The following PBX1 variants were observed in gnomAD, a reference collection of about 807,000 sequenced individuals.
PBX1 encodes pre-B-cell leukemia transcription factor 1.
PBX1 carries 6 observed loss-of-function variants against 53.4 expected under a neutral mutation model. The observed-to-expected ratio is 0.11, with a 90% CI of 0.06 to 0.22. The LOEUF (loss-of-function observed/expected upper bound fraction) is 0.22. PBX1 is among the 10% of genes least tolerant of loss of function. The probability of loss-of-function intolerance (pLI) is 1.00; values close to 1 mark genes in which losing one functional copy is unlikely to be tolerated. For missense variants in PBX1, 251 were observed against 551.4 expected (o/e 0.46, Z 5.46); for synonymous variants, 204 against 212.3 (o/e 0.96, Z 0.34).
At chr1:164,606,315 C>T (rs879573188) in intron 2 of PBX1, among the ~76,000 whole-genome samples, 1 of 152,180 alleles carries the variant, frequency 6.6e-6, no homozygotes, top group Non-Finnish European at 1.5e-5. Context: ...CATGATGAAA[C>T]CCCATCTGTA....
At chr1:164,758,763 T>G (rs1666656959) in intron 2 of PBX1, among the ~76,000 whole-genome samples, 1 of 151,996 alleles carries the variant, frequency 6.6e-6, no homozygotes, top group Non-Finnish European at 1.5e-5. Context: ...GAAACTAAAA[T>G]CCCTTTTCTT....
Position 164,559,875 on chromosome 1 carries a change from G to A in PBX1, c.53G>A (p.Gly18Glu), listed in dbSNP as rs1379669919. ...TCCCATGCTGGGGTCGGGATGGCCG[G>A]ACACCCCGGCCTGTCCCAGCACTTG... is the stretch of plus-strand genomic sequence containing the variant. ...MHSHAGVGMA[G>E]HPGLSQHLQD... is the part of the protein sequence containing the mutation. The change falls in exon 1 of 9, where the codon GGA becomes GAA. Residue 18 changes from glycine to glutamate, a missense_variant. This residue lies in a region of PBX1 where 63 missense variants were observed against 78.7 expected (regional missense o/e 0.80). Coordinates refer to ENST00000420696, the MANE Select transcript of PBX1 (RefSeq NM_002585.4). 12 of 1,550,298 alleles carry A rather than the reference G, an allele frequency of 7.7e-6. No homozygotes were observed. Among genetic ancestry groups the A allele is most frequent in the Non-Finnish European group, 1.0e-5 (12 of 1,146,736 alleles).
At chr1:164,805,124 A>T (rs1319706783) in intron 4 of PBX1, among the ~76,000 whole-genome samples, 1 of 152,172 alleles carries the variant, frequency 6.6e-6, no homozygotes, top group Non-Finnish European at 1.5e-5. Flanking sequence ...TCTGTCCCTA[A>T]AACACCATAT....
At chr1:164,853,159 C>G (rs1292500984), downstream of PBX1, among the ~76,000 whole-genome samples, 1 of 152,220 alleles carries the variant, frequency 6.6e-6, no homozygotes, top group Non-Finnish European at 1.5e-5. Flanking sequence ...GAATCTGTAG[C>G]TTTTCACATC....
Position 164,766,652 on chromosome 1 carries a change from T to G in PBX1, c.266-25842T>G, listed in dbSNP as rs1667069051. ...AAAGGCTTTTTCTAGAGTTTTATAT[T>G]CCTTATCAATGGCTTCCAGTTTACA... On this transcript the variant is annotated intron_variant, in intron 2 of 8. Coordinates refer to ENST00000420696, the MANE Select transcript of PBX1 (RefSeq NM_002585.4). Among the ~76,000 whole-genome samples the G allele has an allele frequency of 2.6e-5, 4 of 152,058 alleles. No individual in the cohort carries two copies. The South Asian group carries it at 8.3e-4, about 32-fold the overall frequency.
intron 2 of PBX1, among the ~76,000 whole-genome samples, chr1:164,654,541 G>A (rs1660033702): frequency 1.3e-5 from 2 of 152,304 alleles, no homozygotes; most frequent in East Asian, 1.9e-4. Flanking sequence ...GACAAGTGAT[G>A]TGAGAAATAC....
chr1:164,863,359 G>A (rs144050236), intron 2 of PBX1, among the ~76,000 whole-genome samples: 5 of 152,316 alleles, frequency 3.3e-5, no homozygotes, highest in Admixed American at 6.5e-5. Flanking sequence ...GCTAGGGAAA[G>A]GTATTGTTCC....
At chr1:164,689,032 G>C (rs867813039) in intron 2 of PBX1, among the ~76,000 whole-genome samples, 1 of 152,246 alleles carries the variant, frequency 6.6e-6, no homozygotes, top group Non-Finnish European at 1.5e-5. Flanking sequence ...GAGAGGCAAC[G>C]ACCTTCCTCC....
intron 2 of PBX1, among the ~76,000 whole-genome samples, chr1:164,609,433 G>A (rs945744224): frequency 2.6e-5 from 4 of 152,084 alleles, no homozygotes; most frequent in African/African-American, 7.2e-5. Context: ...GGCAGGACAC[G>A]TATAACAGTC....
Position 164,792,749 on chromosome 1 carries a change from C to T in PBX1, c.510+11C>T. ...GAGAAATACGAGCAGGTAACCAGAACCACCTGGGGCTCGGCACCCAGGCCC... is the reference window on the plus strand; with the variant it reads ...GAGAAATACGAGCAGGTAACCAGAATCACCTGGGGCTCGGCACCCAGGCCC... On this transcript the variant is annotated intron_variant, in intron 3 of 8. Transcript: ENST00000420696. 1.3e-6 allele frequency: 2 copies of T among 1,583,842 alleles called. No individual in the cohort carries two copies. Among genetic ancestry groups the T allele is most frequent in the Non-Finnish European group, 1.7e-6 (2 of 1,159,802 alleles).
chr1:164,586,301 C>A (rs925713464), intron 2 of PBX1, among the ~76,000 whole-genome samples: 1 of 152,192 alleles, frequency 6.6e-6, no homozygotes, highest in Admixed American at 6.5e-5. Flanking sequence ...TCATGGTAAA[C>A]GTGCTGAAGT....
intron 3 of PBX1, among the ~76,000 whole-genome samples, chr1:164,796,470 C>T (rs1476215055): frequency 6.6e-6 from 1 of 152,116 alleles, no homozygotes; most frequent in East Asian, 1.9e-4. Context: ...AGGACTAAAT[C>T]TCTAATGTTG....
chr1:164,746,972 G>A (rs6681005), intron 2 of PBX1, among the ~76,000 whole-genome samples: 56,888 of 151,936 alleles, frequency 0.37, 11,420 homozygotes, highest in South Asian at 0.67. Flanking sequence ...CATGTTTCAG[G>A]AAATTCTTTT....
At chr1:164,759,379 G>T (rs773569204) in intron 2 of PBX1, among the ~76,000 whole-genome samples, 2 of 152,144 alleles carry the variant, frequency 1.3e-5, no homozygotes, top group Non-Finnish European at 2.9e-5. Context: ...TTCCCAGGGG[G>T]TGGGTCACCT....
intron 2 of PBX1, among the ~76,000 whole-genome samples, chr1:164,665,521 G>A (rs577289777): frequency 8.5e-5 from 13 of 152,092 alleles, no homozygotes; most frequent in Non-Finnish European, 1.3e-4. Context: ...TCCTGACCTC[G>A]AGTGATCCAC....
Position 164,848,042 on chromosome 1 carries a change from A to C in PBX1, c.*1366A>C, listed in dbSNP as rs1170582364. On this transcript the variant is annotated 3_prime_UTR_variant, in exon 9 of 9. Transcript: ENST00000420696. ...ATACCACACTATGTTCTTGGTCCTG[A>C]CCTATTGCTCTGGAGGAAAGAGTTG... is the stretch of plus-strand genomic sequence containing the variant. 9.5e-7 allele frequency: 1 copy of C among 1,050,182 alleles called. No individual in the cohort carries two copies. The allele number at this position is 1,050,182 out of a possible 1,614,324, so 65.1% of individuals were successfully genotyped here.
chr1:164,576,727 C>A (rs986523533), intron 2 of PBX1: 1 of 152,280 alleles, frequency 6.6e-6, no homozygotes, highest in Non-Finnish European at 1.5e-5. Flanking sequence ...AGGGCCGCCG[C>A]CCCCCAGGGG....
intron 2 of PBX1, among the ~76,000 whole-genome samples, chr1:164,751,446 A>G (rs1345162312): frequency 6.6e-6 from 1 of 152,180 alleles, no homozygotes; most frequent in Non-Finnish European, 1.5e-5. Flanking sequence ...GAATCTGGCC[A>G]TCTTCTTTTA....
chr1:164,699,466 C>T (rs1011005114), intron 2 of PBX1, among the ~76,000 whole-genome samples: 2 of 152,030 alleles, frequency 1.3e-5, no homozygotes, highest in South Asian at 4.2e-4. Flanking sequence ...TCACTGGACT[C>T]CTGCTCCAGA....
Sources: gnomAD v4.1 joint callset for allele counts (sites outside exome capture counted in the v4.1 genomes callset) on GRCh38, gnomAD v4.1.1 for gene constraint, gnomAD v4.1.1 regional missense constraint, MANE v1.5 for transcripts, NCBI Gene and HGNC (gene_info 2026-07-23, HGNC 2026-07-21) for gene names.